Variants in TRAPPC9 observed in about 807,000 individuals in gnomAD.
TRAPPC9 encodes the protein IKK2 binding protein.
In TRAPPC9, 83 loss-of-function variants were observed where a neutral mutation model predicts 124.0. The ratio of observed to expected loss-of-function variants is 0.67; its 90% CI spans 0.56 to 0.80. The LOEUF (loss-of-function observed/expected upper bound fraction) is 0.80. Among genes scored for constraint, TRAPPC9 ranks in the 30% least tolerant of loss-of-function variants. TRAPPC9 has a pLI of 0.00. For missense variants in TRAPPC9, 1,302 were observed against 1,508.3 expected (o/e 0.86, Z 2.27); for synonymous variants, 638 against 617.5 (o/e 1.03, Z -0.49).
chr8:140,226,253 A>AG (rs1488155025), intron 16 of TRAPPC9, among the ~76,000 whole-genome samples: 1 of 152,206 alleles, frequency 6.6e-6, no homozygotes, highest in East Asian at 1.9e-4. Context: ...TACAAATTCT[A>AG]GGAAGAAAAG....
At chr8:140,130,652 T>C (rs1452954980) in intron 17 of TRAPPC9, among the ~76,000 whole-genome samples, 1 of 152,126 alleles carries the variant, frequency 6.6e-6, no homozygotes, top group Non-Finnish European at 1.5e-5. Flanking sequence ...CTGGCAAATG[T>C]GAACAGGGTC....
At chr8:140,266,333 C>T (rs1055861025) in intron 15 of TRAPPC9, among the ~76,000 whole-genome samples, 6 of 151,834 alleles carry the variant, frequency 4.0e-5, no homozygotes, top group African/African-American at 1.4e-4. Flanking sequence ...TGTGGTGGCT[C>T]ATACCTGGAG....
rs183795517 is a variant in TRAPPC9 at position 139,735,063 on chromosome 8, G to A, written c.3056-2861C>T. ...TGTATAGTGCCCCTGAGTACTTCCA[G>A]CAGTGCCTGATGTGCAGCAGACAGC... On this transcript the variant is annotated intron_variant, in intron 21 of 22. Transcript: ENST00000438773. 2.0e-4 allele frequency among the ~76,000 whole-genome samples: 31 copies of A among 152,342 alleles called. No individual in the cohort carries two copies. The East Asian group carries it at 5.2e-3, about 26-fold the overall frequency.
chr8:140,055,507 G>C (rs1842245025), intron 17 of TRAPPC9, among the ~76,000 whole-genome samples: 1 of 152,198 alleles, frequency 6.6e-6, no homozygotes, highest in African/African-American at 2.4e-5. Context: ...CACAGTAGTG[G>C]AAGTCCCAAC....
intron 21 of TRAPPC9, among the ~76,000 whole-genome samples, chr8:139,819,124 G>C (rs1418388189): frequency 6.6e-6 from 1 of 152,162 alleles, no homozygotes; most frequent in Admixed American, 6.5e-5. Flanking sequence ...CAGATCAGCA[G>C]TGGCATTAAA....
At chr8:140,395,045 G>A (rs1475400124) in intron 7 of TRAPPC9, among the ~76,000 whole-genome samples, 1 of 152,164 alleles carries the variant, frequency 6.6e-6, no homozygotes, top group Admixed American at 6.5e-5. Flanking sequence ...CCCCTTGGGC[G>A]CCCAGGTAAC....
intron 21 of TRAPPC9, among the ~76,000 whole-genome samples, chr8:139,740,222 C>A (rs1818463626): frequency 6.6e-6 from 1 of 152,256 alleles, no homozygotes; most frequent in Non-Finnish European, 1.5e-5. Flanking sequence ...CTGTCCCTGG[C>A]CCTGCTTCTG....
At chr8:140,094,297 C>T (rs1420275478) in intron 17 of TRAPPC9, among the ~76,000 whole-genome samples, 2 of 152,214 alleles carry the variant, frequency 1.3e-5, no homozygotes, top group African/African-American at 4.8e-5. Flanking sequence ...GGGTGGTCAT[C>T]TTCCATTTTG....
At chr8:140,136,339 G>A (rs532354107) in intron 17 of TRAPPC9, among the ~76,000 whole-genome samples, 44 of 152,312 alleles carry the variant, frequency 2.9e-4, no homozygotes, top group African/African-American at 1.0e-3. Flanking sequence ...GGAGGACAGG[G>A]GCACGAGGCC....
Position 139,788,652 on chromosome 8 carries a change from C to A in TRAPPC9, c.3056-56450G>T, listed in dbSNP as rs60453550. On this transcript the variant is annotated intron_variant, in intron 21 of 22. Coordinates refer to ENST00000438773, the MANE Select transcript of TRAPPC9 (RefSeq NM_001160372.4). This position sits in a 1 kb window ranked among gnomAD's most constrained non-coding sequence, Gnocchi z 4.9. ...GTGTGAGATGCTGGCCCTGGGCACA[C>A]GCTTTGTTCTCCCACCTCCCTCCTG... is the stretch of plus-strand genomic sequence containing the variant. 6.6e-6 allele frequency among the ~76,000 whole-genome samples: 1 copy of A among 152,082 alleles called. No homozygotes were observed. Among genetic ancestry groups the A allele is most frequent in the Non-Finnish European group, 1.5e-5 (1 of 68,004 alleles).
At chr8:140,002,119 A>G (rs1231858806) in intron 18 of TRAPPC9, among the ~76,000 whole-genome samples, 1 of 152,116 alleles carries the variant, frequency 6.6e-6, no homozygotes, top group East Asian at 1.9e-4. Context: ...AAACCAGACA[A>G]AGACGGAAGA....
At chr8:140,000,216 T>C (rs955409942) in intron 18 of TRAPPC9, among the ~76,000 whole-genome samples, 73 of 152,314 alleles carry the variant, frequency 4.8e-4, no homozygotes, top group Non-Finnish European at 8.4e-4. Context: ...CCTTACACTG[T>C]ATAAAAAAAT....
intron 9 of TRAPPC9, among the ~76,000 whole-genome samples, chr8:140,354,126 G>C (rs2067669546): frequency 6.6e-6 from 1 of 152,332 alleles, no homozygotes; most frequent in South Asian, 2.1e-4. Context: ...ATGTGAGAGT[G>C]GGAAAAGATG....
chr8:140,143,181 T>C (rs1177464713), intron 17 of TRAPPC9, among the ~76,000 whole-genome samples: 1 of 152,184 alleles, frequency 6.6e-6, no homozygotes, highest in Non-Finnish European at 1.5e-5. Flanking sequence ...GTAAGAACAT[T>C]ATCAAAAATA....
intron 17 of TRAPPC9, among the ~76,000 whole-genome samples, chr8:140,158,245 C>G (rs568486649): frequency 1.3e-5 from 2 of 152,324 alleles, no homozygotes; most frequent in East Asian, 3.9e-4. Flanking sequence ...ACAGAAGGGA[C>G]TGCAGATGTG....
chr8:139,999,655 C>T (rs1320444581), intron 18 of TRAPPC9, among the ~76,000 whole-genome samples: 1 of 151,696 alleles, frequency 6.6e-6, no homozygotes, highest in Non-Finnish European at 1.5e-5. Flanking sequence ...ACAAGGTAGA[C>T]CACATTCTAG....
At chr8:139,859,703 C>T (rs1207177453) in intron 21 of TRAPPC9, among the ~76,000 whole-genome samples, 1 of 152,198 alleles carries the variant, frequency 6.6e-6, no homozygotes, top group Non-Finnish European at 1.5e-5. Context: ...CCCTGGCACC[C>T]AGAGGATGTT....
intron 13 of TRAPPC9, among the ~76,000 whole-genome samples, chr8:140,286,229 G>A (rs964492060): frequency 3.9e-5 from 6 of 152,298 alleles, no homozygotes; most frequent in East Asian, 3.9e-4. Flanking sequence ...AAGAGTCTTC[G>A]GAGACTGAAG....
At chr8:139,953,176 C>T (rs758490464) in intron 19 of TRAPPC9, among the ~76,000 whole-genome samples, 1 of 152,218 alleles carries the variant, frequency 6.6e-6, no homozygotes, top group East Asian at 1.9e-4. Context: ...TTTTAAGATA[C>T]GTAAAACCTA....
Sources: allele counts gnomAD v4.1 joint callset (sites outside exome capture counted in the v4.1 genomes callset), GRCh38; gene constraint gnomAD v4.1.1; non-coding constraint Gnocchi (gnomAD v3.1); transcripts MANE v1.5; gene names NCBI Gene and HGNC (gene_info 2026-07-23, HGNC 2026-07-21).